SCARA5: variants seen among roughly 807,000 people sequenced by gnomAD.
The protein encoded by SCARA5 is scavenger receptor class A, member 5 (putative).
A neutral mutation model predicts 46.3 loss-of-function variants in SCARA5; 45 were observed. The ratio of observed to expected loss-of-function variants is 0.97; its 90% CI spans 0.76 to 1.24. The LOEUF (loss-of-function observed/expected upper bound fraction) is 1.24. SCARA5 is among the 50% of genes most tolerant of loss of function. SCARA5 has a pLI of 0.00. For synonymous variants in SCARA5, 333 were observed against 306.5 expected (o/e 1.09, Z -0.90); for missense variants, 680 against 689.0 (o/e 0.99, Z 0.15).
intron 8 of SCARA5, among the ~76,000 whole-genome samples, chr8:27,872,866 A>C (rs920381637): frequency 3.3e-5 from 5 of 152,224 alleles, no homozygotes; most frequent in Non-Finnish European, 7.3e-5. Flanking sequence ...CTGGTGTTTC[A>C]CCAGGGGGTT....
chr8:27,965,682 C>T (rs1808358170), intron 3 of SCARA5, among the ~76,000 whole-genome samples: 1 of 152,232 alleles, frequency 6.6e-6, no homozygotes, highest in East Asian at 1.9e-4. Flanking sequence ...GCCTTACTTG[C>T]GTCCAGTCCT....
chr8:27,974,937 C>G (rs981212726), intron 2 of SCARA5, among the ~76,000 whole-genome samples: 1 of 151,732 alleles, frequency 6.6e-6, no homozygotes, highest in African/African-American at 2.4e-5. Context: ...AAAAAATCTT[C>G]TAAAGCTCTT....
At position 27,969,150 on chromosome 8, in the gene SCARA5, G is replaced by A. The variant is rs574552632; in HGVS notation, c.113-2608C>T. Among the ~76,000 whole-genome samples, 59 of 152,172 alleles carry A rather than the reference G, an allele frequency of 3.9e-4. 2 individuals carry two copies. The highest frequency in any genetic ancestry group is 1.4e-3 in the African/African-American group (56 of 41,434). ...TTTAAGACAACGACAAGTCACAAAGGCTGCCCAAAACACATTTATGGACTT... is the reference window on the plus strand; with the variant it reads ...TTTAAGACAACGACAAGTCACAAAGACTGCCCAAAACACATTTATGGACTT... On this transcript the variant is annotated intron_variant, in intron 2 of 8. Coordinates refer to ENST00000354914, the MANE Select transcript of SCARA5 (RefSeq NM_173833.6).
At chr8:27,970,406 A>G (rs1808430753) in intron 2 of SCARA5, among the ~76,000 whole-genome samples, 1 of 152,136 alleles carries the variant, frequency 6.6e-6, no homozygotes, top group African/African-American at 2.4e-5. Context: ...CCCACCCACC[A>G]AAGTGCCATG....
chr8:27,900,423 A>C lies in SCARA5; in HGVS notation c.1153+4355T>G, dbSNP rs1177594366. 2.6e-5 allele frequency among the ~76,000 whole-genome samples: 4 copies of C among 152,194 alleles called. No individual in the cohort carries two copies. The East Asian group carries it at 7.7e-4, about 29-fold the overall frequency. Reference sequence around the variant, plus strand: ...ATTATTTATTCTGAGTTTACACTGCATGCTGGGGTGCCCACAGCTCCCCTC... The same window carrying C: ...ATTATTTATTCTGAGTTTACACTGCCTGCTGGGGTGCCCACAGCTCCCCTC... On this transcript the variant is annotated intron_variant, in intron 7 of 8. Transcript: ENST00000354914.
chr8:27,987,695 T>G (rs999293980), intron 1 of SCARA5, 65 bp from the exon 2 acceptor site: 14 of 963,576 alleles, frequency 1.5e-5, no homozygotes, highest in Middle Eastern at 4.3e-4. Context: ...GAGAATCAAC[T>G]GTAGGTGGAA....
At chr8:27,928,156 A>C (rs1243421333) in intron 3 of SCARA5, among the ~76,000 whole-genome samples, 1 of 151,964 alleles carries the variant, frequency 6.6e-6, no homozygotes, top group Non-Finnish European at 1.5e-5. Context: ...CACCACCACC[A>C]CCCAGCCTCT....
At chr8:27,922,330 C>G in intron 3 of SCARA5, 85 bp from the exon 4 acceptor site, 1 of 915,612 alleles carries the variant, frequency 1.1e-6, no homozygotes, top group Non-Finnish European at 1.6e-6. Flanking sequence ...CAGAGCCTGG[C>G]ATGCAGTAGG....
chr8:27,879,750 CG>C lies in SCARA5; in HGVS notation c.1169del (p.Pro390ArgfsTer2). The C allele has an allele frequency of 6.2e-7, 1 of 1,612,976 alleles. No individual in the cohort carries two copies. Among genetic ancestry groups the C allele is most frequent in the Non-Finnish European group, 8.5e-7 (1 of 1,180,006 alleles). ...AGCCATTCACCAGGCGGATCATCAT[CG>C]GGGCCTCCACGCCACCTGCCGGAGC... Reference protein sequence around the residue: ...RAGDASGVEAPMMIRLVNGSG... With the variant: ...RAGDASGVEAXMMIRLVNGSG... On this transcript the variant is annotated frameshift_variant, in exon 8 of 9. Transcript: ENST00000354914. LOFTEE classifies it high-confidence loss of function.
intron 3 of SCARA5, among the ~76,000 whole-genome samples, chr8:27,935,607 A>T (rs1019952014): frequency 2.2e-4 from 33 of 152,182 alleles, no homozygotes; most frequent in Non-Finnish European, 1.0e-4. Flanking sequence ...GCACAAAGGA[A>T]TGGGAAGGCT....
chr8:27,923,888 G>A lies in SCARA5; in HGVS notation c.242-1643C>T, dbSNP rs182505718. 7.4e-4 allele frequency among the ~76,000 whole-genome samples: 113 copies of A among 152,234 alleles called. 1 individual carries two copies. The highest frequency in any genetic ancestry group is 2.2e-4 in the Non-Finnish European group (15 of 68,014). ...GCACCCGGCCCTACTTCTTCTTCTA[G>A]ATCCTCTATTTCCTCTTCAGCAAAA... On this transcript the variant is annotated intron_variant, in intron 3 of 8. Transcript: ENST00000354914.
At chr8:27,891,626 T>C (rs1806985440) in intron 7 of SCARA5, among the ~76,000 whole-genome samples, 1 of 152,226 alleles carries the variant, frequency 6.6e-6, no homozygotes, top group African/African-American at 2.4e-5. Context: ...AGCCAACACC[T>C]GAAGACAGGG....
In SCARA5 at chr8:27,879,777, A is replaced by T; in HGVS notation, c.1154-11T>A. 6.2e-7 allele frequency: 1 copy of T among 1,612,100 alleles called. No individual in the cohort carries two copies. The highest frequency in any genetic ancestry group is 1.1e-5 in the South Asian group (1 of 91,044). The stretch of plus-strand genomic sequence containing the variant: ...GGGCCTCCACGCCACCTGCCGGAGC[A>T]GCCAACTGTCACTACCCAGCTCTAG... On this transcript the variant is annotated splice_polypyrimidine_tract_variant and intron_variant, in intron 7 of 8. Coordinates refer to ENST00000354914, the MANE Select transcript of SCARA5 (RefSeq NM_173833.6).
intron 2 of SCARA5, among the ~76,000 whole-genome samples, chr8:27,984,636 T>G (rs1402664785): frequency 9.7e-4 from 146 of 150,942 alleles, no homozygotes; most frequent in African/African-American, 3.2e-3. Flanking sequence ...ATCCATCCAT[T>G]CATTCACCCA....
chr8:27,884,099 C>A (rs1294795124), intron 7 of SCARA5, among the ~76,000 whole-genome samples: 1 of 152,098 alleles, frequency 6.6e-6, no homozygotes, highest in Non-Finnish European at 1.5e-5. Context: ...AGGAAGCGAC[C>A]CCAACCCCAG....
chr8:27,989,811 G>C (rs1808761237), intron 1 of SCARA5, among the ~76,000 whole-genome samples: 1 of 152,232 alleles, frequency 6.6e-6, no homozygotes, highest in African/African-American at 2.4e-5. Context: ...CACCCAGGCA[G>C]GGCCTCTAGG....
intron 7 of SCARA5, among the ~76,000 whole-genome samples, chr8:27,883,847 C>T (rs575179608): frequency 5.4e-4 from 82 of 152,204 alleles, no homozygotes; most frequent in Non-Finnish European, 9.3e-4. Flanking sequence ...CCTACTCAAG[C>T]CCTGCTACTA....
rs185851392 is a variant in SCARA5 at position 27,949,595 on chromosome 8, C to G, written c.241+16819G>C. ...GAATCAGGCCACTGTTGCCGCATAA[C>G]TCAGCCTGGAAGCAGGGCAGGCAGA... is the stretch of plus-strand genomic sequence containing the variant. On this transcript the variant is annotated intron_variant, in intron 3 of 8. Coordinates refer to ENST00000354914, the MANE Select transcript of SCARA5 (RefSeq NM_173833.6). Among the ~76,000 whole-genome samples, 98 of 152,338 alleles carry G rather than the reference C, an allele frequency of 6.4e-4. 1 individual carries two copies. The highest frequency in any genetic ancestry group is 3.4e-3 in the Middle Eastern group (1 of 294).
chr8:27,962,294 A>T (rs1006352457), intron 3 of SCARA5, among the ~76,000 whole-genome samples: 14 of 152,232 alleles, frequency 9.2e-5, no homozygotes, highest in African/African-American at 3.1e-4. Flanking sequence ...AAGTAATTTT[A>T]AAGACTTTCA....
Sources: gnomAD v4.1 joint callset for allele counts (sites outside exome capture counted in the v4.1 genomes callset) on GRCh38, gnomAD v4.1.1 for gene constraint, MANE v1.5 for transcripts, NCBI Gene and HGNC (gene_info 2026-07-23, HGNC 2026-07-21) for gene names.